Variants in VAV1 observed in about 807,000 individuals in gnomAD.
The protein encoded by VAV1 is proto-oncogene vav.
A neutral mutation model predicts 128.1 loss-of-function variants in VAV1; 33 were observed. The observed-to-expected ratio is 0.26, with a 90% CI of 0.20 to 0.34. The LOEUF (loss-of-function observed/expected upper bound fraction) is 0.34, where lower values mean the gene tolerates loss of function less well. Among genes scored for constraint, VAV1 ranks in the 10% least tolerant of loss-of-function variants. VAV1 has a pLI of 1.00. For missense variants in VAV1, 715 were observed against 1,093.7 expected, an observed-to-expected ratio of 0.65 and a Z score of 4.88; for synonymous variants, 394 against 409.8, an observed-to-expected ratio of 0.96 and a Z score of 0.47.
chr19:6,816,679 A>C (rs1971663665), intron 1 of VAV1, among the ~76,000 whole-genome samples: 1 of 151,924 alleles, frequency 6.6e-6, no homozygotes, highest in Admixed American at 6.6e-5. Flanking sequence ...GGTAAAATAG[A>C]CACAGACGGG....
Position 6,828,059 on chromosome 19 carries a change from G to A in VAV1, c.928-17G>A. 1 of 1,613,486 alleles carries A rather than the reference G, an allele frequency of 6.2e-7. No homozygotes were observed. Among genetic ancestry groups the A allele is most frequent in the African/African-American group, 1.3e-5 (1 of 75,018 alleles). ...TGGGACCTGCCTCAGTTTCCCCATT[G>A]TTCTCTGATTCCCCAGGAATGTTCT... On this transcript the variant is annotated splice_polypyrimidine_tract_variant and intron_variant, in intron 9 of 26. Coordinates refer to ENST00000602142, the MANE Select transcript of VAV1 (RefSeq NM_005428.4). The surrounding 1 kb of genome is among the most constrained non-coding windows in gnomAD (Gnocchi z 4.5).
At chr19:6,812,360 A>T (rs1971531967) in intron 1 of VAV1, among the ~76,000 whole-genome samples, 1 of 152,166 alleles carries the variant, frequency 6.6e-6, no homozygotes, top group South Asian at 2.1e-4. Context: ...GGTATTTTCC[A>T]GTTTCAAAAA....
intron 1 of VAV1, among the ~76,000 whole-genome samples, chr19:6,780,158 A>ACC (rs2144692960): frequency 7.3e-6 from 1 of 137,002 alleles, no homozygotes; most frequent in East Asian, 2.1e-4. Flanking sequence ...TAATAATAAT[A>ACC]ACCTCATCCA....
At chr19:6,834,520 A>G (rs1227054164) in intron 19 of VAV1, among the ~76,000 whole-genome samples, 3 of 150,814 alleles carry the variant, frequency 2.0e-5, no homozygotes, top group African/African-American at 7.3e-5. Context: ...TGGGATTACA[A>G]GCGTGAGCCA....
chr19:6,824,918 A>G (rs994722596), intron 6 of VAV1, 135 bp from the exon 7 acceptor site: 5 of 938,196 alleles, frequency 5.3e-6, no homozygotes, highest in Non-Finnish European at 8.6e-6. Context: ...CACTGTGAAC[A>G]TTCTTGTACA....
intron 1 of VAV1, among the ~76,000 whole-genome samples, chr19:6,813,319 G>A (rs951978236): frequency 9.2e-5 from 14 of 152,324 alleles, no homozygotes; most frequent in African/African-American, 2.6e-4. Context: ...CAACATGGTC[G>A]CCGGTGAGTG....
chr19:6,790,600 C>T (rs1196941317), intron 1 of VAV1, among the ~76,000 whole-genome samples: 1 of 152,088 alleles, frequency 6.6e-6, no homozygotes, highest in Non-Finnish European at 1.5e-5. Flanking sequence ...CTTGGCTTCA[C>T]CCAGGAAAGA....
chr19:6,799,752 G>A (rs1971221682), intron 1 of VAV1, among the ~76,000 whole-genome samples: 1 of 151,174 alleles, frequency 6.6e-6, no homozygotes, highest in Admixed American at 6.6e-5. Flanking sequence ...GGCTGAGGCA[G>A]GAGGATTGCT....
chr19:6,842,012 G>A (rs1244333997), intron 21 of VAV1, among the ~76,000 whole-genome samples: 1 of 151,802 alleles, frequency 6.6e-6, no homozygotes, highest in Admixed American at 6.6e-5. Flanking sequence ...GATCACCTGA[G>A]CTCGGGAGTT....
chr19:6,851,208 T>C (rs1884698347), intron 24 of VAV1, among the ~76,000 whole-genome samples: 1 of 151,996 alleles, frequency 6.6e-6, no homozygotes, highest in African/African-American at 2.4e-5. Context: ...AGAGTCTTGC[T>C]CTGTTGCCCA....
chr19:6,833,297 G>A lies in VAV1; in HGVS notation c.1610+12G>A, dbSNP rs368378556. On this transcript the variant is annotated intron_variant, in intron 16 of 26. Coordinates refer to ENST00000602142, the MANE Select transcript of VAV1 (RefSeq NM_005428.4). ...CAGATGCTGCTTAGGTGAGAATCTGGGAGGAGGGTCCTGCATACCGGACTT... is the reference window on the plus strand; with the variant it reads ...CAGATGCTGCTTAGGTGAGAATCTGAGAGGAGGGTCCTGCATACCGGACTT... 1.9e-5 allele frequency: 30 copies of A among 1,603,836 alleles called. No homozygotes were observed. Among genetic ancestry groups the A allele is most frequent in the East Asian group, 2.2e-5 (1 of 44,830 alleles).
At chr19:6,839,391 T>A (rs1165064316) in intron 21 of VAV1, among the ~76,000 whole-genome samples, 1 of 151,984 alleles carries the variant, frequency 6.6e-6, no homozygotes, top group East Asian at 1.9e-4. Context: ...TTCAGAATAC[T>A]GAGTAGCTGA....
At chr19:6,779,137 G>A (rs563331421) in intron 1 of VAV1, among the ~76,000 whole-genome samples, 21 of 150,214 alleles carry the variant, frequency 1.4e-4, no homozygotes, top group African/African-American at 4.6e-4. Context: ...CTGCAGCCTC[G>A]AACTCCTGTG....
intron 14 of VAV1, among the ~76,000 whole-genome samples, chr19:6,830,380 C>T (rs1449995817): frequency 6.6e-6 from 1 of 151,874 alleles, no homozygotes; most frequent in Non-Finnish European, 1.5e-5. Flanking sequence ...CTACTATATC[C>T]AGGGCACTCT....
chr19:6,785,703 A>T (rs1446618098), intron 1 of VAV1, among the ~76,000 whole-genome samples: 1 of 140,832 alleles, frequency 7.1e-6, no homozygotes, highest in African/African-American at 2.7e-5. Flanking sequence ...TCTATCGCCC[A>T]GGCTGGAGTG....
chr19:6,833,493 C>A, intron 16 of VAV1, 35 bp from the exon 17 acceptor site: 2 of 1,555,618 alleles, frequency 1.3e-6, no homozygotes, highest in South Asian at 2.4e-5. Flanking sequence ...CTGTAAAGGT[C>A]ACTCGCTCTT....
At position 6,828,274 on chromosome 19, in the gene VAV1, C is replaced by T. The variant is rs1307616173; in HGVS notation, c.1023+103C>T. Reference sequence around the variant, plus strand: ...CTGGGGGTTGGGTCTCTAGGACGCTCGGGGATGGGTCACTGGGGTCATGTC... The same window carrying T: ...CTGGGGGTTGGGTCTCTAGGACGCTTGGGGATGGGTCACTGGGGTCATGTC... On this transcript the variant is annotated intron_variant, in intron 10 of 26. Transcript: ENST00000602142. This position sits in a 1 kb window ranked among gnomAD's most constrained non-coding sequence, Gnocchi z 4.5. 34 of 1,507,902 alleles carry T rather than the reference C, an allele frequency of 2.3e-5. No individual in the cohort carries two copies. The highest frequency in any genetic ancestry group is 1.1e-4 in the South Asian group (9 of 85,430). 93.4% of individuals were successfully genotyped at this position (1,507,902 alleles called of 1,614,324 possible). A position where few individuals can be genotyped will look rare whatever the true frequency, so the allele number is the denominator to read the frequency against.
In VAV1 at chr19:6,822,601, C is replaced by T. The variant is rs1376719915; in HGVS notation, c.654+87C>T. On this transcript the variant is annotated intron_variant, in intron 6 of 26. Transcript: ENST00000602142. This position sits in a 1 kb window ranked among gnomAD's most constrained non-coding sequence, Gnocchi z 5.9. ...CGTCCACCTGTCCGGCCGCTCTGGG[C>T]AGCTGAGGATTTCCTGCTCCCATCG... 3 of 1,205,600 alleles carry T rather than the reference C, an allele frequency of 2.5e-6. No individual in the cohort carries two copies. Among genetic ancestry groups the T allele is most frequent in the African/African-American group, 3.1e-5 (2 of 65,472 alleles). The allele number at this position is 1,205,600 out of a possible 1,614,324, so 74.7% of individuals were successfully genotyped here.
intron 1 of VAV1, among the ~76,000 whole-genome samples, chr19:6,790,476 T>C (rs1340694638): frequency 6.6e-6 from 1 of 152,206 alleles, no homozygotes; most frequent in Non-Finnish European, 1.5e-5. Flanking sequence ...TGCAGAGCTG[T>C]GCTCCCTCTG....
Sources: allele counts gnomAD v4.1 joint callset (sites outside exome capture counted in the v4.1 genomes callset), GRCh38; gene constraint gnomAD v4.1.1; non-coding constraint Gnocchi (gnomAD v3.1); transcripts MANE v1.5; gene names NCBI Gene and HGNC (gene_info 2026-07-23, HGNC 2026-07-21).